EXD3: variants seen among roughly 807,000 people sequenced by gnomAD.
The protein encoded by EXD3 is exonuclease 3'-5' domain containing 3.
In EXD3, 92 loss-of-function variants were observed where a neutral mutation model predicts 98.0. The observed-to-expected ratio is 0.94, with a 90% CI of 0.79 to 1.12. EXD3 has a LOEUF of 1.12. EXD3 is among the 50% of genes most tolerant of loss of function. The probability of loss-of-function intolerance (pLI) is 0.00; values close to 1 mark genes in which losing one functional copy is unlikely to be tolerated. For synonymous variants in EXD3, 569 were observed against 526.0 expected, an observed-to-expected ratio of 1.08 and a Z score of -1.12; for missense variants, 1,222 against 1,191.6, an observed-to-expected ratio of 1.03 and a Z score of -0.38.
chr9:137,372,235 C>G (rs1245461091), intron 5 of EXD3, among the ~76,000 whole-genome samples: 1 of 152,220 alleles, frequency 6.6e-6, no homozygotes, highest in Non-Finnish European at 1.5e-5. Flanking sequence ...GGATACTGAT[C>G]CGACGCATCT....
At chr9:137,307,713 C>A in intron 20 of EXD3, 67 bp from the exon 21 acceptor site, 1 of 1,573,686 alleles carries the variant, frequency 6.4e-7, no homozygotes. Flanking sequence ...CCAGCGGGGT[C>A]CATGACGCAG....
rs750524262 is a variant in EXD3, at chr9:137,306,993, C to T, written c.2588G>A (p.Cys863Tyr). ...CGGGCTGGGGGCTGGGCTCGGCTCG[C>T]AGGGGCTGGGGGCGCTCTCCAGCAT... is the stretch of plus-strand genomic sequence containing the variant. ...RDMLESAPSPCEPSPAPSPAS... is the reference protein window; with the variant it reads ...RDMLESAPSPYEPSPAPSPAS... The change falls in exon 22 of 22, where the codon TGC (cysteine) becomes TAC (tyrosine). Residue 863 changes from cysteine (C) to tyrosine (Y), a missense_variant. Cys to Tyr is a radical substitution (Grantham distance 194). Coordinates refer to ENST00000340951, the MANE Select transcript of EXD3 (RefSeq NM_017820.5). The T allele has an allele frequency of 3.6e-5, 57 of 1,605,596 alleles. No homozygotes were observed. The highest frequency in any genetic ancestry group is 6.8e-6 in the Non-Finnish European group (8 of 1,175,698).
rs1199889527 is a variant in EXD3 at position 137,393,605 on chromosome 9, G to A, written c.55+1698C>T. 6.6e-6 allele frequency among the ~76,000 whole-genome samples: 1 copy of A among 152,232 alleles called. No homozygotes were observed. Among genetic ancestry groups the A allele is most frequent in the Non-Finnish European group, 1.5e-5 (1 of 68,020 alleles). On this transcript the variant is annotated intron_variant, in intron 2 of 21. Transcript: ENST00000340951. This position sits in a 1 kb window ranked among gnomAD's most constrained non-coding sequence, Gnocchi z 4.6. ...CCCCACAGCCCTCAGCACCCACTGG[G>A]ACACAGAAGAGGAAGGCAGAGAGGA... is the stretch of plus-strand genomic sequence containing the variant.
At chr9:137,317,030 T>G (rs1831708544) in intron 19 of EXD3, among the ~76,000 whole-genome samples, 1 of 151,912 alleles carries the variant, frequency 6.6e-6, no homozygotes, top group Non-Finnish European at 1.5e-5. Context: ...AGGGGGCAGC[T>G]CTCCTGCTCA....
chr9:137,373,312 C>G, intron 4 of EXD3, 114 bp downstream of exon 4: 1 of 1,328,790 alleles, frequency 7.5e-7, no homozygotes, highest in South Asian at 1.3e-5. Flanking sequence ...TCCCCCTCCC[C>G]TTCCCTGGCT....
chr9:137,382,280 C>T (rs1311728456), intron 3 of EXD3, among the ~76,000 whole-genome samples: 1 of 151,958 alleles, frequency 6.6e-6, no homozygotes, highest in Non-Finnish European at 1.5e-5. Context: ...GAGCAGATCT[C>T]AGCCCTGTCT....
chr9:137,332,139 A>C (rs766918581), intron 17 of EXD3, among the ~76,000 whole-genome samples: 1 of 152,218 alleles, frequency 6.6e-6, no homozygotes, highest in Non-Finnish European at 1.5e-5. Context: ...GGAGGAATCG[A>C]TATTGTGAAA....
intron 16 of EXD3, among the ~76,000 whole-genome samples, chr9:137,348,493 T>G (rs1318728808): frequency 6.9e-4 from 12 of 17,510 alleles, no homozygotes; most frequent in Admixed American, 8.6e-4. Context: ...CAGAGAGGGG[T>G]GGGGATCACG....
At chr9:137,408,715 T>G (rs996698607) in intron 1 of EXD3, among the ~76,000 whole-genome samples, 2 of 152,008 alleles carry the variant, frequency 1.3e-5, no homozygotes, top group African/African-American at 4.8e-5. Flanking sequence ...TTTATCTGCG[T>G]CCCTTGAGTG....
At chr9:137,307,340 T>G in intron 21 of EXD3, 77 bp from the exon 22 acceptor site, 1 of 1,436,494 alleles carries the variant, frequency 7.0e-7, no homozygotes, top group South Asian at 1.5e-5. Flanking sequence ...AGTGGTGCAG[T>G]TGGCGGCCCA....
At chr9:137,386,462 G>A (rs780573743) in intron 2 of EXD3, among the ~76,000 whole-genome samples, 2 of 152,014 alleles carry the variant, frequency 1.3e-5, no homozygotes, top group African/African-American at 2.4e-5. Context: ...CTCCAGGTGG[G>A]CAGGGTCTGC....
intron 19 of EXD3, 21 bp from the exon 20 acceptor site, chr9:137,309,721 T>C: frequency 6.5e-7 from 1 of 1,543,926 alleles, no homozygotes; most frequent in South Asian, 1.2e-5. Flanking sequence ...GAGGGGGTGC[T>C]GAGGCCCAGG....
Position 137,385,391 on chromosome 9 carries a change from G to C in EXD3, c.56-2014C>G, listed in dbSNP as rs1836537326. On this transcript the variant is annotated intron_variant, in intron 2 of 21. Transcript: ENST00000340951. This position sits in a 1 kb window ranked among gnomAD's most constrained non-coding sequence, Gnocchi z 4.4. ...ATTCTGGGTGCTGCATGCTGGGCAT[G>C]GCTGGCGATGGGGCCAGGGTGGGCT... 6.6e-6 allele frequency among the ~76,000 whole-genome samples: 1 copy of C among 152,096 alleles called. No homozygotes were observed. The highest frequency in any genetic ancestry group is 1.5e-5 in the Non-Finnish European group (1 of 68,008).
intron 5 of EXD3, among the ~76,000 whole-genome samples, chr9:137,369,103 GGGGCGT>G (rs1835445347): frequency 6.8e-6 from 1 of 147,366 alleles, no homozygotes. Flanking sequence ...CGCAGGGCCC[GGGGCGT>G]GGGAGTCTCG....
At position 137,371,529 on chromosome 9, in the gene EXD3, A is replaced by G. The variant is rs912466096; in HGVS notation, c.462+1376T>C. On this transcript the variant is annotated intron_variant, in intron 5 of 21. Transcript: ENST00000340951. This position sits in a 1 kb window ranked among gnomAD's most constrained non-coding sequence, Gnocchi z 8.0. The stretch of plus-strand genomic sequence containing the variant: ...GGTGCCATCGGGACGGCGTCTCAGC[A>G]GCAGGGTCCCACGTGGGCAGGCAGC... 6.6e-6 allele frequency among the ~76,000 whole-genome samples: 1 copy of G among 152,072 alleles called. No homozygotes were observed. Among genetic ancestry groups the G allele is most frequent in the African/African-American group, 2.4e-5 (1 of 41,420 alleles).
chr9:137,307,125 C>A lies in EXD3; in HGVS notation c.2456G>T (p.Gly819Val), dbSNP rs1160479547. The change falls in exon 22 of 22, where the codon GGT (glycine) becomes GTT (valine). Residue 819 changes from glycine to valine, a missense_variant. Physicochemically the swap from Gly to Val is moderately radical, Grantham distance 109. Transcript: ENST00000340951. ...TRLQLAGVPVGVLRTPGLRCF... is the reference protein window; with the variant it reads ...TRLQLAGVPVVVLRTPGLRCF... Reference sequence around the variant, plus strand: ...CCGCAGCCCAGGTGTCCTCAGCACACCCACCGGGACCCCTGCCAGCTGCAG... The same window carrying A: ...CCGCAGCCCAGGTGTCCTCAGCACAACCACCGGGACCCCTGCCAGCTGCAG... 2 of 1,602,696 alleles carry A rather than the reference C, an allele frequency of 1.2e-6. No homozygotes were observed. The highest frequency in any genetic ancestry group is 3.4e-5 in the Admixed American group (2 of 58,106).
chr9:137,393,119 A>G lies in EXD3; in HGVS notation c.55+2184T>C, dbSNP rs1837023333. The G allele has an allele frequency of 1.5e-6, 1 of 669,382 alleles. No individual in the cohort carries two copies. Among genetic ancestry groups the G allele is most frequent in the African/African-American group, 1.9e-5 (1 of 53,426 alleles). 41.5% of individuals were successfully genotyped at this position (669,382 alleles called of 1,614,324 possible). A position where few individuals can be genotyped will look rare whatever the true frequency, so the allele number is the denominator to read the frequency against. On this transcript the variant is annotated intron_variant, in intron 2 of 21. Coordinates refer to ENST00000340951, the MANE Select transcript of EXD3 (RefSeq NM_017820.5). The surrounding 1 kb of genome is among the most constrained non-coding windows in gnomAD (Gnocchi z 4.6). ...TGCCGTGTCTGTTCCAGGGAGGGCC[A>G]TTAGTGTTCCAGGGGGCGCCGAGGC...
chr9:137,389,502 A>G (rs1461160965), intron 2 of EXD3, among the ~76,000 whole-genome samples: 1 of 152,002 alleles, frequency 6.6e-6, no homozygotes, highest in Non-Finnish European at 1.5e-5. Flanking sequence ...TCTGCTGGGA[A>G]AGCGGGATGA....
In EXD3 at chr9:137,351,536, C is replaced by T; in HGVS notation, c.1174-8G>A. 6.4e-7 allele frequency: 1 copy of T among 1,570,634 alleles called. No individual in the cohort carries two copies. The highest frequency in any genetic ancestry group is 8.6e-7 in the Non-Finnish European group (1 of 1,159,184). On this transcript the variant is annotated splice_polypyrimidine_tract_variant and splice_region_variant and intron_variant, in intron 12 of 21. Transcript: ENST00000340951. ...ACCAACCACTTGGTGGCACTGCGGGCAGAGAGGGGCAGATGTGATCATCAG... is the reference window on the plus strand; with the variant it reads ...ACCAACCACTTGGTGGCACTGCGGGTAGAGAGGGGCAGATGTGATCATCAG...
Sources: gnomAD v4.1 joint callset for allele counts (sites outside exome capture counted in the v4.1 genomes callset) on GRCh38, gnomAD v4.1.1 for gene constraint, Gnocchi (gnomAD v3.1) non-coding constraint, MANE v1.5 for transcripts, NCBI Gene and HGNC (gene_info 2026-07-23, HGNC 2026-07-21) for gene names.